Variants in ZNF618 observed in about 807,000 individuals in gnomAD.
ZNF618 encodes the protein zinc finger protein 618, also known as neural precursor cell expressed, developmentally down-regulated 10.
ZNF618 carries 34 observed loss-of-function variants against 103.0 expected under a neutral mutation model. The ratio of observed to expected loss-of-function variants is 0.33; its 90% CI spans 0.25 to 0.44. The LOEUF (loss-of-function observed/expected upper bound fraction) is 0.44, where lower values mean the gene tolerates loss of function less well. ZNF618 is among the 20% of genes least tolerant of loss of function. The pLI is 1.00. For synonymous variants in ZNF618, 551 were observed against 542.2 expected (o/e 1.02, Z -0.23); for missense variants, 1,059 against 1,295.4 (o/e 0.82, Z 2.80).
intron 1 of ZNF618, among the ~76,000 whole-genome samples, chr9:113,957,533 CAG>C (rs1836424093): frequency 6.6e-6 from 1 of 152,182 alleles, no homozygotes; most frequent in Middle Eastern, 3.2e-3. Context: ...CTGGTGCTAA[CAG>C]GGGTCTCCTA....
intron 10 of ZNF618, among the ~76,000 whole-genome samples, chr9:114,020,976 T>C (rs1564308737): frequency 7.1e-6 from 1 of 140,042 alleles, no homozygotes; most frequent in Non-Finnish European, 1.7e-5. Context: ...ATTTATAGTT[T>C]ATTAAAAGTT....
chr9:113,976,884 C>T (rs1206787827), intron 2 of ZNF618, among the ~76,000 whole-genome samples: 1 of 152,146 alleles, frequency 6.6e-6, no homozygotes, highest in Non-Finnish European at 1.5e-5. Flanking sequence ...ACTTTACATC[C>T]ATCCATCCTT....
Position 114,054,251 on chromosome 9 carries a change from T to C in ZNF618, c.*4084T>C, listed in dbSNP as rs1846317218. On this transcript the variant is annotated 3_prime_UTR_variant, in exon 15 of 15. Transcript: ENST00000374126. ...TGGGCTTCTGGAGAGATGTTAGGAA[T>C]ATAGCACATGCTCTCTGGGGGCCAC... is the stretch of plus-strand genomic sequence containing the variant. 6.6e-6 allele frequency: 1 copy of C among 152,466 alleles called. No homozygotes were observed. Among genetic ancestry groups the C allele is most frequent in the Non-Finnish European group, 1.5e-5 (1 of 68,102 alleles). The allele number at this position is 152,466 out of a possible 1,614,324, so 9.4% of individuals were successfully genotyped here. A position where few individuals can be genotyped will look rare whatever the true frequency, so the allele number is the denominator to read the frequency against.
intron 1 of ZNF618, among the ~76,000 whole-genome samples, chr9:113,954,756 C>G (rs1174994910): frequency 1.3e-5 from 2 of 152,200 alleles, no homozygotes; most frequent in African/African-American, 4.8e-5. Context: ...GGTGCTCTTG[C>G]TCTCTGGCCT....
chr9:113,982,769 A>G (rs1839091101), intron 2 of ZNF618, among the ~76,000 whole-genome samples: 1 of 152,164 alleles, frequency 6.6e-6, no homozygotes, highest in South Asian at 2.1e-4. Context: ...GGGTGCATCT[A>G]AGAGCCATTG....
At chr9:113,947,187 T>A (rs1835116988) in intron 1 of ZNF618, among the ~76,000 whole-genome samples, 1 of 152,124 alleles carries the variant, frequency 6.6e-6, no homozygotes, top group South Asian at 2.1e-4. Context: ...TTGGGGCTCT[T>A]TAGTGAATCC....
rs1845902386 is a variant in ZNF618, at chr9:114,049,010, C to A, written c.1708C>A (p.Gln570Lys). 4.3e-6 allele frequency: 7 copies of A among 1,613,416 alleles called. No individual in the cohort carries two copies. Among genetic ancestry groups the A allele is most frequent in the Non-Finnish European group, 5.9e-6 (7 of 1,179,486 alleles). The change falls in exon 15 of 15, where the codon CAG becomes AAG. Residue 570 changes from glutamine to lysine, a missense_variant. This residue lies in a region of ZNF618 where 272 missense variants were observed against 380.1 expected (regional missense o/e 0.72). Coordinates refer to ENST00000374126, the MANE Select transcript of ZNF618 (RefSeq NM_001318042.2). The part of the protein sequence containing the change: ...PDSCYILTAY[Q>K]AEGNHIKSYV... ...CTCCTGCTACATCCTCACAGCCTAC[C>A]AGGCCGAGGGCAACCACATCAAGAG...
chr9:113,951,442 CATATATGTGTATAT>C (rs1835644796), intron 1 of ZNF618, among the ~76,000 whole-genome samples: 4 of 49,258 alleles, frequency 8.1e-5, no homozygotes, highest in African/African-American at 8.3e-5. Flanking sequence ...TATATATATA[CATATATGTGTATAT>C]ATACATATAT....
intron 1 of ZNF618, among the ~76,000 whole-genome samples, chr9:113,876,826 C>T (rs1178753500): frequency 2.1e-5 from 3 of 144,668 alleles, no homozygotes; most frequent in African/African-American, 7.7e-5. Context: ...TCCCCGATGA[C>T]CCCCCGGGAG....
intron 1 of ZNF618, among the ~76,000 whole-genome samples, chr9:113,897,083 T>G (rs910293380): frequency 1.4e-4 from 21 of 152,174 alleles, no homozygotes; most frequent in Non-Finnish European, 1.9e-4. Context: ...ATATCATGCT[T>G]TCTTATACTT....
At chr9:113,916,559 G>A (rs1832102458) in intron 1 of ZNF618, among the ~76,000 whole-genome samples, 1 of 152,226 alleles carries the variant, frequency 6.6e-6, no homozygotes, top group South Asian at 2.1e-4. Context: ...TGAAGGTTTT[G>A]AAGCAGAGAC....
chr9:114,042,940 T>G (rs1378576809), intron 13 of ZNF618, among the ~76,000 whole-genome samples: 2 of 152,246 alleles, frequency 1.3e-5, no homozygotes, highest in African/African-American at 4.8e-5. Flanking sequence ...CTTTCTTTCA[T>G]TGTAGTTTTG....
chr9:113,900,979 C>T (rs1830485522), intron 1 of ZNF618, among the ~76,000 whole-genome samples: 1 of 54,864 alleles, frequency 1.8e-5, no homozygotes, highest in African/African-American at 7.6e-5. Context: ...CTAGCACCGT[C>T]CTCTCCCGCA....
intron 1 of ZNF618, among the ~76,000 whole-genome samples, chr9:113,918,757 C>T (rs958699577): frequency 2.6e-5 from 4 of 152,156 alleles, no homozygotes; most frequent in Non-Finnish European, 1.5e-5. Context: ...TTGAGCATTT[C>T]TTACTTTCTG....
chr9:113,911,550 A>G (rs776976045), intron 1 of ZNF618, among the ~76,000 whole-genome samples: 4 of 151,682 alleles, frequency 2.6e-5, no homozygotes, highest in Non-Finnish European at 5.9e-5. Flanking sequence ...GATGGTCTCG[A>G]GCTCCTGACC....
chr9:113,892,179 G>A (rs922896198), intron 1 of ZNF618, among the ~76,000 whole-genome samples: 1 of 152,106 alleles, frequency 6.6e-6, no homozygotes, highest in African/African-American at 2.4e-5. Flanking sequence ...AGTATCCGTG[G>A]GGGATTGGTT....
chr9:113,960,450 G>A (rs1222186530), intron 1 of ZNF618, among the ~76,000 whole-genome samples: 1 of 152,226 alleles, frequency 6.6e-6, no homozygotes, highest in Non-Finnish European at 1.5e-5. Flanking sequence ...ATTAGGGTCT[G>A]GATCCAATCT....
chr9:113,977,771 G>T (rs1481800561), intron 2 of ZNF618, among the ~76,000 whole-genome samples: 1 of 152,154 alleles, frequency 6.6e-6, no homozygotes. Context: ...ACCCTCAAAA[G>T]AAGTTCCCAG....
intron 6 of ZNF618, 98 bp from the exon 7 acceptor site, chr9:114,007,252 T>C: frequency 1.1e-6 from 1 of 951,640 alleles, no homozygotes; most frequent in Non-Finnish European, 1.6e-6. Context: ...CAGACTGGGC[T>C]AGTTTCATCT....
Sources: gnomAD v4.1 joint callset for allele counts (sites outside exome capture counted in the v4.1 genomes callset) on GRCh38, gnomAD v4.1.1 for gene constraint, gnomAD v4.1.1 regional missense constraint, MANE v1.5 for transcripts, NCBI Gene and HGNC (gene_info 2026-07-23, HGNC 2026-07-21) for gene names.